Variants in ZFP90 observed in about 807,000 individuals in gnomAD.
The protein encoded by ZFP90 is ZFP90 zinc finger protein, also known as zinc finger protein 90 homolog.
ZFP90 carries 38 observed loss-of-function variants against 60.8 expected under a neutral mutation model. The ratio of observed to expected loss-of-function variants is 0.62; its 90% CI spans 0.48 to 0.82. The LOEUF is 0.82. Ranked by LOEUF, ZFP90 falls within the 40% of genes least tolerant of loss-of-function variation. ZFP90 has a pLI of 0.00. For missense variants in ZFP90, 711 were observed against 759.1 expected, an observed-to-expected ratio of 0.94 and a Z score of 0.74; for synonymous variants, 287 against 264.8, an observed-to-expected ratio of 1.08 and a Z score of -0.82.
At chr16:68,574,545 G>C (rs201910163) in intron 2 of ZFP90, among the ~76,000 whole-genome samples, 8 of 152,008 alleles carry the variant, frequency 5.3e-5, no homozygotes, top group Non-Finnish European at 1.0e-4. Flanking sequence ...GTAAAGAATT[G>C]GGGATCAAAC....
chr16:68,548,252 C>A (rs62059531), intron 2 of ZFP90, among the ~76,000 whole-genome samples: 1 of 152,092 alleles, frequency 6.6e-6, no homozygotes, highest in Non-Finnish European at 1.5e-5. Context: ...TTGCTTTTCA[C>A]CTTTTTCTGT....
chr16:68,567,228 C>T (rs2091541647), downstream of ZFP90: 1 of 890,044 alleles, frequency 1.1e-6, no homozygotes, highest in Admixed American at 6.2e-5. Flanking sequence ...TCATCACAGC[C>T]AGGTGAGTTA....
intron 2 of ZFP90, among the ~76,000 whole-genome samples, chr16:68,572,887 C>T (rs2091575352): frequency 6.6e-6 from 1 of 152,202 alleles, no homozygotes; most frequent in Non-Finnish European, 1.5e-5. Context: ...AGGGAGGGGG[C>T]TGCTGCTGGA....
chr16:68,565,657 C>T lies in ZFP90; in HGVS notation c.*959C>T, dbSNP rs1040632386. 1.0e-6 allele frequency: 1 copy of T among 985,380 alleles called. No individual in the cohort carries two copies. Among genetic ancestry groups the T allele is most frequent in the African/African-American group, 1.7e-5 (1 of 57,212 alleles). The allele number at this position is 985,380 out of a possible 1,614,324, so 61.0% of individuals were successfully genotyped here. A position where few individuals can be genotyped will look rare whatever the true frequency, so the allele number is the denominator to read the frequency against. On this transcript the variant is annotated 3_prime_UTR_variant, in exon 5 of 5. Transcript: ENST00000563169. ...GCCCATGAAAAAGCACTTTCTTAAG[C>T]CTACAGTATCAGATCAATGGGAAAA...
upstream of ZFP90, among the ~76,000 whole-genome samples, chr16:68,536,450 G>T (rs942733734): frequency 1.3e-5 from 2 of 151,968 alleles, no homozygotes; most frequent in South Asian, 4.1e-4. Context: ...GGGGACTACC[G>T]GCATGCCACC....
At position 68,566,455 on chromosome 16, in the gene ZFP90, C is replaced by G; in HGVS notation, c.*1757C>G. ...ACATAGCAGGATTCATTGCCTTTCTCTCATCATGGATGGCATGCAGCAGCA... is the reference window on the plus strand; with the variant it reads ...ACATAGCAGGATTCATTGCCTTTCTGTCATCATGGATGGCATGCAGCAGCA... On this transcript the variant is annotated 3_prime_UTR_variant, in exon 5 of 5. Transcript: ENST00000563169. The G allele has an allele frequency of 1.0e-6, 1 of 984,924 alleles. No individual in the cohort carries two copies. Among genetic ancestry groups the G allele is most frequent in the Non-Finnish European group, 1.2e-6 (1 of 829,932 alleles). 61.0% of individuals were successfully genotyped at this position (984,924 alleles called of 1,614,324 possible). A position where few individuals can be genotyped will look rare whatever the true frequency, so the allele number is the denominator to read the frequency against.
rs1883099542 is a variant in ZFP90 at position 68,564,770 on chromosome 16, G to C, written c.*72G>C. 5.3e-6 allele frequency: 8 copies of C among 1,506,538 alleles called. No homozygotes were observed. In the South Asian group the frequency reaches 8.2e-5, roughly 15 times the overall value. The allele number at this position is 1,506,538 out of a possible 1,614,324, so 93.3% of individuals were successfully genotyped here. A position where few individuals can be genotyped will look rare whatever the true frequency, so the allele number is the denominator to read the frequency against. On this transcript the variant is annotated 3_prime_UTR_variant, in exon 5 of 5. Coordinates refer to ENST00000563169, the MANE Select transcript of ZFP90 (RefSeq NM_001305203.2). The stretch of plus-strand genomic sequence containing the variant: ...CTGATTCAGGATCAGAGGATTCTTA[G>C]AGAGCTTGGGAATGTAATGAATTAC...
intron 2 of ZFP90, among the ~76,000 whole-genome samples, chr16:68,545,599 G>A (rs1421847977): frequency 6.6e-6 from 1 of 151,902 alleles, no homozygotes; most frequent in Non-Finnish European, 1.5e-5. Context: ...TGGATCACGA[G>A]GTCAGGAGAT....
intron 2 of ZFP90, among the ~76,000 whole-genome samples, chr16:68,551,177 A>G (rs937890142): frequency 1.3e-5 from 2 of 152,206 alleles, no homozygotes; most frequent in African/African-American, 4.8e-5. Context: ...CCATCTGCTC[A>G]TAAAACTCTT....
At chr16:68,537,830 C>T (rs1198556991), upstream of ZFP90, among the ~76,000 whole-genome samples, 1 of 152,058 alleles carries the variant, frequency 6.6e-6, no homozygotes, top group Non-Finnish European at 1.5e-5. Flanking sequence ...GTGCTATTGA[C>T]GTGTTATTTC....
intron 2 of ZFP90, chr16:68,575,686 G>T (rs1169014920): frequency 2.5e-6 from 1 of 396,210 alleles, no homozygotes; most frequent in Admixed American, 4.4e-5. Context: ...GGGAAGACAG[G>T]TTCTCAATCC....
downstream of ZFP90, among the ~76,000 whole-genome samples, chr16:68,567,824 C>T (rs1468769711): frequency 1.3e-5 from 2 of 152,196 alleles, no homozygotes; most frequent in African/African-American, 2.4e-5. Flanking sequence ...GAGCATCTAG[C>T]GCACCTCCAT....
chr16:68,538,982 A>G (rs1364459097), upstream of ZFP90, among the ~76,000 whole-genome samples: 1 of 152,138 alleles, frequency 6.6e-6, no homozygotes, highest in Non-Finnish European at 1.5e-5. Context: ...TCTTGTTGAC[A>G]TGTTTGCGTT....
intron 2 of ZFP90, chr16:68,557,275 A>G (rs2091359988): frequency 2.2e-6 from 1 of 455,876 alleles, no homozygotes; most frequent in African/African-American, 2.0e-5. Context: ...TGACCTCTCA[A>G]AGTGTTAGGA....
chr16:68,563,134 C>G lies in ZFP90; in HGVS notation c.347C>G (p.Thr116Arg), dbSNP rs368733952. Residue 116 changes from threonine (T) to arginine (R), a missense_variant, in exon 5 of 5, where the codon ACA becomes AGA. Physicochemically the swap from Thr to Arg is moderately conservative, Grantham distance 71. Coordinates refer to ENST00000563169, the MANE Select transcript of ZFP90 (RefSeq NM_001305203.2). ...SHCTHDLLHATLEDSWDVSSQ... is the reference protein window; with the variant it reads ...SHCTHDLLHARLEDSWDVSSQ... Reference sequence around the variant, plus strand: ...TGCACACATGATCTCTTACATGCTACATTAGAAGACTCCTGGGATGTTAGC... The same window carrying G: ...TGCACACATGATCTCTTACATGCTAGATTAGAAGACTCCTGGGATGTTAGC... 19 of 1,614,106 alleles carry G rather than the reference C, an allele frequency of 1.2e-5. No individual in the cohort carries two copies. The highest frequency in any genetic ancestry group is 1.6e-5 in the Non-Finnish European group (19 of 1,180,010).
chr16:68,549,198 T>G (rs951351492), intron 2 of ZFP90, among the ~76,000 whole-genome samples: 1 of 152,118 alleles, frequency 6.6e-6, no homozygotes, highest in Non-Finnish European at 1.5e-5. Context: ...TGACTGAGTT[T>G]AGTGTTTGCC....
At chr16:68,575,144 G>T (rs1003191699) in intron 2 of ZFP90, among the ~76,000 whole-genome samples, 1 of 152,210 alleles carries the variant, frequency 6.6e-6, no homozygotes, top group Non-Finnish European at 1.5e-5. Context: ...GTGGCCAGCA[G>T]TGTCCCCACC....
chr16:68,538,652 G>A (rs2090980665), upstream of ZFP90, among the ~76,000 whole-genome samples: 1 of 150,980 alleles, frequency 6.6e-6, no homozygotes, highest in African/African-American at 2.4e-5. Flanking sequence ...GCTGCGGTGA[G>A]CCAAAATCGC....
At chr16:68,569,934 A>G (rs9932646), downstream of ZFP90, among the ~76,000 whole-genome samples, 5,609 of 152,068 alleles carry the variant, frequency 0.037, 322 homozygotes, top group African/African-American at 0.13. Flanking sequence ...AAACTAGGGC[A>G]TAATTCCTAC....
Sources: allele counts gnomAD v4.1 joint callset (sites outside exome capture counted in the v4.1 genomes callset), GRCh38; gene constraint gnomAD v4.1.1; transcripts MANE v1.5; gene names NCBI Gene and HGNC (gene_info 2026-07-23, HGNC 2026-07-21).